Variants in TENM4 observed in about 807,000 individuals in gnomAD.
TENM4 encodes the protein teneurin-4.
Under a neutral mutation model 243.3 loss-of-function variants are expected in TENM4, and 82 were observed. The ratio of observed to expected loss-of-function variants is 0.34; its 90% CI spans 0.28 to 0.40. TENM4 has a LOEUF of 0.40. TENM4 is among the 10% of genes least tolerant of loss of function. The pLI is 1.00. For synonymous variants in TENM4, 1,412 were observed against 1,456.3 expected (o/e 0.97, Z 0.69); for missense variants, 3,138 against 3,673.3 (o/e 0.85, Z 3.77).
At chr11:78,858,907 T>C (rs990381537) in intron 10 of TENM4, among the ~76,000 whole-genome samples, 5 of 152,210 alleles carry the variant, frequency 3.3e-5, no homozygotes, top group African/African-American at 4.8e-5. Context: ...CCAAGCACAG[T>C]GGCAGGTACC....
intron 12 of TENM4, among the ~76,000 whole-genome samples, chr11:78,842,955 C>T (rs1016671304): frequency 6.6e-6 from 1 of 152,132 alleles, no homozygotes; most frequent in Non-Finnish European, 1.5e-5. Flanking sequence ...GGGAGGGTCA[C>T]TTGAGGCCAG....
intron 2 of TENM4, among the ~76,000 whole-genome samples, chr11:79,218,366 T>C (rs1864098067): frequency 6.6e-6 from 1 of 152,088 alleles, no homozygotes; most frequent in Admixed American, 6.5e-5. Flanking sequence ...GCCAAATGTC[T>C]GGTGGCTTTT....
chr11:78,964,847 GA>G (rs1432076486), intron 6 of TENM4, among the ~76,000 whole-genome samples: 1 of 152,000 alleles, frequency 6.6e-6, no homozygotes, highest in East Asian at 1.9e-4. Flanking sequence ...ATGATATTAG[GA>G]AAAATACTTC....
intron 1 of TENM4, among the ~76,000 whole-genome samples, chr11:79,376,289 C>G (rs1392769166): frequency 6.6e-6 from 1 of 152,212 alleles, no homozygotes; most frequent in Non-Finnish European, 1.5e-5. Context: ...AAAACAAGAT[C>G]AAATACCTGT....
intron 4 of TENM4, chr11:79,096,922 G>GCA (rs1565202251): frequency 8.3e-6 from 1 of 120,064 alleles, no homozygotes; most frequent in Non-Finnish European, 1.7e-5. Flanking sequence ...ACATGCGCGC[G>GCA]CGCGCGCACA....
chr11:79,121,030 T>G (rs1261599725), intron 4 of TENM4, among the ~76,000 whole-genome samples: 2 of 152,212 alleles, frequency 1.3e-5, no homozygotes, highest in Admixed American at 6.5e-5. Context: ...GCGATTGCTT[T>G]TAACTATCTT....
At chr11:79,329,738 GGTTA>G (rs1857031827) in intron 1 of TENM4, among the ~76,000 whole-genome samples, 1 of 152,194 alleles carries the variant, frequency 6.6e-6, no homozygotes, top group African/African-American at 2.4e-5. Context: ...TCAGAGGCTG[GGTTA>G]GCAGGGAAGG....
chr11:79,295,677 G>T (rs1174754739), intron 2 of TENM4, among the ~76,000 whole-genome samples: 3 of 152,092 alleles, frequency 2.0e-5, no homozygotes, highest in African/African-American at 4.8e-5. Context: ...AGGGGAAAAG[G>T]CTTTGGAGAG....
At chr11:79,040,056 T>TAAA (rs1859480581) in intron 6 of TENM4, among the ~76,000 whole-genome samples, 1 of 150,792 alleles carries the variant, frequency 6.6e-6, no homozygotes, top group African/African-American at 2.4e-5. Flanking sequence ...AAGACTTCTA[T>TAAA]AAAAAGCCAC....
At chr11:78,971,293 T>TATTG (rs977637167) in intron 6 of TENM4, among the ~76,000 whole-genome samples, 6 of 152,032 alleles carry the variant, frequency 3.9e-5, no homozygotes, top group Admixed American at 3.9e-4. Flanking sequence ...TAAATAAGAT[T>TATTG]TTTGTTTGTT....
At chr11:78,743,267 C>T (rs1370460205) in intron 19 of TENM4, among the ~76,000 whole-genome samples, 1 of 152,164 alleles carries the variant, frequency 6.6e-6, no homozygotes, top group Admixed American at 6.5e-5. Flanking sequence ...TGCTGTTGCT[C>T]TGCCAGGACA....
intron 1 of TENM4, among the ~76,000 whole-genome samples, chr11:79,318,341 T>C (rs894493433): frequency 6.6e-6 from 1 of 152,180 alleles, no homozygotes; most frequent in Non-Finnish European, 1.5e-5. Context: ...AAGAGACACA[T>C]TTCAGCTCAA....
Position 78,655,058 on chromosome 11 carries a change from G to C in TENM4, c.*3000C>G, listed in dbSNP as rs568877266. On this transcript the variant is annotated 3_prime_UTR_variant, in exon 34 of 34. Transcript: ENST00000278550. ...CGGTCCTCTCAGGATGGGAGTCGAT[G>C]CTTGGAGCCTATTACATAGGCACAG... is the stretch of plus-strand genomic sequence containing the variant. 2.0e-5 allele frequency: 3 copies of C among 152,364 alleles called. No individual in the cohort carries two copies. Among genetic ancestry groups the C allele is most frequent in the African/African-American group, 7.2e-5 (3 of 41,568 alleles). The allele number at this position is 152,364 out of a possible 1,614,324, so 9.4% of individuals were successfully genotyped here.
At chr11:79,201,456 C>G (rs1026277205) in intron 3 of TENM4, among the ~76,000 whole-genome samples, 1 of 151,180 alleles carries the variant, frequency 6.6e-6, no homozygotes, top group Non-Finnish European at 1.5e-5. Flanking sequence ...ATAACTCCTA[C>G]CATGTGTACT....
chr11:78,905,978 C>G (rs1407552636), intron 6 of TENM4, among the ~76,000 whole-genome samples: 2 of 152,220 alleles, frequency 1.3e-5, no homozygotes, highest in Non-Finnish European at 2.9e-5. Context: ...TTCTTCCCAG[C>G]CTTGGCCTTT....
intron 6 of TENM4, among the ~76,000 whole-genome samples, chr11:79,045,303 G>C (rs1266572360): frequency 3.3e-5 from 5 of 152,186 alleles, no homozygotes; most frequent in Non-Finnish European, 7.3e-5. Context: ...CACTATGAAG[G>C]AGGTTGTGTT....
chr11:79,271,240 G>T (rs1399515589), intron 2 of TENM4, among the ~76,000 whole-genome samples: 1 of 152,114 alleles, frequency 6.6e-6, no homozygotes, highest in African/African-American at 2.4e-5. Context: ...TTCCTGAGCC[G>T]CCCGATAAAG....
intron 3 of TENM4, among the ~76,000 whole-genome samples, chr11:79,173,175 A>G (rs1377727540): frequency 6.6e-6 from 1 of 152,200 alleles, no homozygotes; most frequent in Non-Finnish European, 1.5e-5. Flanking sequence ...AGTACATTTT[A>G]TCGACCAGGC....
intron 1 of TENM4, among the ~76,000 whole-genome samples, chr11:79,400,098 AC>A (rs1354693111): frequency 4.6e-5 from 4 of 86,158 alleles, no homozygotes; most frequent in African/African-American, 4.6e-5. Context: ...ATAAACACAC[AC>A]CACACACACA....
Sources: gnomAD v4.1 joint callset for allele counts (sites outside exome capture counted in the v4.1 genomes callset) on GRCh38, gnomAD v4.1.1 for gene constraint, MANE v1.5 for transcripts, NCBI Gene and HGNC (gene_info 2026-07-23, HGNC 2026-07-21) for gene names.